CRYBG3: variants seen among roughly 807,000 people sequenced by gnomAD.
CRYBG3 encodes the protein very large A-kinase anchor protein.
CRYBG3 carries 127 observed loss-of-function variants against 244.2 expected under a neutral mutation model. The ratio of observed to expected loss-of-function variants is 0.52; its 90% CI spans 0.45 to 0.60. The LOEUF is 0.60. CRYBG3 is among the 20% of genes least tolerant of loss of function. CRYBG3 has a pLI of 0.00. For synonymous variants in CRYBG3, 1,132 were observed against 1,195.8 expected, an observed-to-expected ratio of 0.95 and a Z score of 1.10; for missense variants, 3,325 against 3,442.5, an observed-to-expected ratio of 0.97 and a Z score of 0.85.
intron 1 of CRYBG3, among the ~76,000 whole-genome samples, chr3:97,835,845 G>A (rs1576510011): frequency 1.3e-5 from 2 of 152,104 alleles, no homozygotes; most frequent in East Asian, 3.9e-4. Flanking sequence ...TTAGAAAGCA[G>A]CTAAAATACT....
In CRYBG3 at chr3:97,878,024, G is replaced by A. The variant is rs373734953; in HGVS notation, c.6830G>A (p.Ser2277Asn). ...GTTCAAGACAGCCCAGGCAGATTGA[G>A]CCCATTTATAGAGGTAAGTTATTTT... ...FRVQDSPGRL[S>N]PFIENVDKQT... The change falls in exon 4 of 22, where the codon AGC becomes AAC. Residue 2277 changes from serine to asparagine, a missense_variant. Ser to Asn is a conservative substitution (Grantham distance 46). Coordinates refer to ENST00000389622, the MANE Select transcript of CRYBG3 (RefSeq NM_153605.4). The A allele has an allele frequency of 6.2e-6, 10 of 1,610,948 alleles. No homozygotes were observed. In the African/African-American group the frequency reaches 9.4e-5, roughly 15 times the overall value.
chr3:97,853,439 GTTTTC>G (rs1484892063), intron 2 of CRYBG3, among the ~76,000 whole-genome samples: 1 of 129,946 alleles, frequency 7.7e-6, no homozygotes, highest in Non-Finnish European at 1.7e-5. Context: ...ACACACACAC[GTTTTC>G]TTTATCCACT....
intron 1 of CRYBG3, among the ~76,000 whole-genome samples, chr3:97,824,788 A>T (rs1356799485): frequency 6.6e-6 from 1 of 152,176 alleles, no homozygotes; most frequent in African/African-American, 2.4e-5. Flanking sequence ...TTTATTTTAG[A>T]TGATAAAAAG....
In CRYBG3 at chr3:97,898,917, C is replaced by G; in HGVS notation, c.7736C>G (p.Ser2579Cys). 1 of 1,605,404 alleles carries G rather than the reference C, an allele frequency of 6.2e-7. No individual in the cohort carries two copies. Among genetic ancestry groups the G allele is most frequent in the Non-Finnish European group, 8.5e-7 (1 of 1,175,232 alleles). Residue 2579 changes from serine (S) to cysteine (C), a missense_variant, in exon 13 of 22, where the codon TCT becomes TGT. Ser to Cys is a moderately radical substitution (Grantham distance 112). This residue lies in a region of CRYBG3 where 714 missense variants were observed against 803.6 expected (regional missense o/e 0.89). Coordinates refer to ENST00000389622, the MANE Select transcript of CRYBG3 (RefSeq NM_153605.4). ...FIESSVTLFE[S>C]DLESGKFIDI... is the part of the protein sequence containing the mutation. ...GAATCTTCTGTCACACTATTTGAAT[C>G]TGACCTAGAAAGTGGGAAGTTTATT...
chr3:97,863,567 C>T (rs2039182022), intron 2 of CRYBG3, among the ~76,000 whole-genome samples: 1 of 152,072 alleles, frequency 6.6e-6, no homozygotes, highest in African/African-American at 2.4e-5. Flanking sequence ...TACCATGTTA[C>T]TGTCTTTTCC....
At position 97,874,758 on chromosome 3, in the gene CRYBG3, A is replaced by G. The variant is rs2039350420; in HGVS notation, c.3564A>G (p.Gln1188=). ...AAGCCAGGAGAAGAGCACATGACCA[A>G]CTTTTGGACCTCAAAAGTAGTTTAC... ...HIEARRRAHD[Q]LLDLKSSLLK... Residue 1188 remains glutamine (Q), a synonymous_variant, in exon 4 of 22, where the codon CAA becomes CAG. Coordinates refer to ENST00000389622, the MANE Select transcript of CRYBG3 (RefSeq NM_153605.4). The G allele has an allele frequency of 3.9e-6, 6 of 1,535,960 alleles. No homozygotes were observed. The highest frequency in any genetic ancestry group is 4.4e-6 in the Non-Finnish European group (5 of 1,146,848).
intron 17 of CRYBG3, among the ~76,000 whole-genome samples, chr3:97,922,846 C>T (rs2039997372): frequency 6.6e-6 from 1 of 152,112 alleles, no homozygotes; most frequent in African/African-American, 2.4e-5. Context: ...GGGTATATAC[C>T]CAAAGGATTA....
chr3:97,864,728 T>C (rs2039201865), intron 3 of CRYBG3, 81 bp downstream of exon 3: 6 of 919,360 alleles, frequency 6.5e-6, no homozygotes, highest in African/African-American at 1.7e-5. Context: ...ATCCTAGTAA[T>C]TGGTGGGATT....
chr3:97,918,613 T>C (rs527750814), intron 17 of CRYBG3, among the ~76,000 whole-genome samples: 3 of 152,310 alleles, frequency 2.0e-5, no homozygotes, highest in East Asian at 3.9e-4. Context: ...AATAATATCA[T>C]GTATTAGCTT....
chr3:97,908,892 T>G (rs2039824269), intron 15 of CRYBG3, among the ~76,000 whole-genome samples: 1 of 152,208 alleles, frequency 6.6e-6, no homozygotes, highest in Non-Finnish European at 1.5e-5. Context: ...GTACTGGTTG[T>G]TCCTTTCCAT....
chr3:97,865,921 CAT>C (rs1467207693), intron 3 of CRYBG3, among the ~76,000 whole-genome samples: 1 of 151,890 alleles, frequency 6.6e-6, no homozygotes, highest in Non-Finnish European at 1.5e-5. Context: ...TGTCAAATAA[CAT>C]AAGCAATAAT....
chr3:97,933,673 G>A (rs747890620), intron 17 of CRYBG3, 21 bp from the exon 18 acceptor site: 15 of 1,611,670 alleles, frequency 9.3e-6, no homozygotes, highest in Admixed American at 1.7e-5. Flanking sequence ...CTATGGTGAC[G>A]CTTTCTTTTT....
chr3:97,897,471 T>G (rs2039652407), intron 12 of CRYBG3, among the ~76,000 whole-genome samples: 1 of 151,968 alleles, frequency 6.6e-6, no homozygotes, highest in African/African-American at 2.4e-5. Context: ...TTGTTCATCA[T>G]TGTTCCTTAT....
At chr3:97,931,321 GC>G (rs2040094524) in intron 17 of CRYBG3, among the ~76,000 whole-genome samples, 2 of 152,088 alleles carry the variant, frequency 1.3e-5, no homozygotes, top group African/African-American at 4.8e-5. Flanking sequence ...ATGCCATGGG[GC>G]AAGTCTTCCT....
At chr3:97,878,502 A>G (rs1434074417) in intron 4 of CRYBG3, among the ~76,000 whole-genome samples, 1 of 152,262 alleles carries the variant, frequency 6.6e-6, no homozygotes, top group East Asian at 1.9e-4. Flanking sequence ...GTTGAAATAT[A>G]TCATAACTCA....
chr3:97,910,801 A>T (rs895918189), intron 15 of CRYBG3, among the ~76,000 whole-genome samples: 1 of 152,184 alleles, frequency 6.6e-6, no homozygotes, highest in Admixed American at 6.5e-5. Flanking sequence ...AGATATTTCT[A>T]TGCAGGAGAA....
intron 1 of CRYBG3, among the ~76,000 whole-genome samples, chr3:97,824,969 T>C (rs1042388005): frequency 1.8e-4 from 28 of 152,238 alleles, no homozygotes; most frequent in African/African-American, 6.5e-4. Flanking sequence ...GGGATGATTT[T>C]AACTGGGTCT....
intron 2 of CRYBG3, among the ~76,000 whole-genome samples, chr3:97,859,382 A>T (rs935059190): frequency 1.3e-5 from 2 of 152,192 alleles, no homozygotes; most frequent in African/African-American, 4.8e-5. Flanking sequence ...ACCAGGTGCC[A>T]CAGCACCCAT....
At chr3:97,898,186 C>G (rs899393310) in intron 12 of CRYBG3, among the ~76,000 whole-genome samples, 2 of 150,262 alleles carry the variant, frequency 1.3e-5, no homozygotes, top group Middle Eastern at 6.5e-3. Flanking sequence ...CACCATTGCA[C>G]TCCAGCCTGG....
Sources: gnomAD v4.1 joint callset for allele counts (sites outside exome capture counted in the v4.1 genomes callset) on GRCh38, gnomAD v4.1.1 for gene constraint, gnomAD v4.1.1 regional missense constraint, MANE v1.5 for transcripts, NCBI Gene and HGNC (gene_info 2026-07-23, HGNC 2026-07-21) for gene names.